SLC35F3: variants seen among roughly 807,000 people sequenced by gnomAD.
The protein encoded by SLC35F3 is solute carrier family 35 member F3, also known as putative thiamine transporter SLC35F3.
Under a neutral mutation model 49.9 loss-of-function variants are expected in SLC35F3, and 25 were observed. That is an observed-to-expected ratio of 0.50 (90% CI 0.37 to 0.70). SLC35F3 has a LOEUF of 0.70. Ranked by LOEUF, SLC35F3 falls within the 30% of genes least tolerant of loss-of-function variation. The pLI, the probability that SLC35F3 is intolerant of heterozygous loss-of-function variation, is 0.00. For synonymous variants in SLC35F3, 275 were observed against 265.4 expected (o/e 1.04, Z -0.35); for missense variants, 525 against 639.8 (o/e 0.82, Z 1.94).
intron 2 of SLC35F3, among the ~76,000 whole-genome samples, chr1:233,914,423 A>T (rs974971301): frequency 6.6e-6 from 1 of 152,132 alleles, no homozygotes; most frequent in African/African-American, 2.4e-5. Flanking sequence ...GTCTTGCTGC[A>T]GCTCCTCCTC....
chr1:234,139,809 A>C (rs2102902361), intron 2 of SLC35F3, among the ~76,000 whole-genome samples: 1 of 151,708 alleles, frequency 6.6e-6, no homozygotes, highest in South Asian at 2.1e-4. Context: ...TTAGCCAGGC[A>C]TGGTGGCACA....
intron 2 of SLC35F3, among the ~76,000 whole-genome samples, chr1:234,099,240 G>A (rs1665177439): frequency 6.6e-6 from 1 of 152,098 alleles, no homozygotes; most frequent in Admixed American, 6.5e-5. Context: ...TTTCTGGGGA[G>A]CAACAAAGTG....
chr1:234,281,864 C>T (rs941756499), intron 3 of SLC35F3, among the ~76,000 whole-genome samples: 2 of 151,912 alleles, frequency 1.3e-5, no homozygotes, highest in Non-Finnish European at 1.5e-5. Context: ...ATTGTGAAGA[C>T]CCAACCAACC....
intron 2 of SLC35F3, among the ~76,000 whole-genome samples, chr1:234,203,462 C>T (rs1261502245): frequency 6.6e-6 from 1 of 152,142 alleles, no homozygotes; most frequent in Non-Finnish European, 1.5e-5. Context: ...CCTGTAATCC[C>T]AGCACTTTGG....
At chr1:233,949,354 T>G (rs938626839) in intron 2 of SLC35F3, among the ~76,000 whole-genome samples, 2 of 152,176 alleles carry the variant, frequency 1.3e-5, no homozygotes. Context: ...GGCCTGATGA[T>G]AGATAAGGCA....
At chr1:234,223,630 A>G (rs1667242270) in intron 2 of SLC35F3, among the ~76,000 whole-genome samples, 1 of 152,170 alleles carries the variant, frequency 6.6e-6, no homozygotes, top group African/African-American at 2.4e-5. Flanking sequence ...TTATTCTCCT[A>G]ATAGGTTATC....
chr1:233,963,286 TTTTC>T (rs991314447), intron 2 of SLC35F3, among the ~76,000 whole-genome samples: 3 of 151,946 alleles, frequency 2.0e-5, no homozygotes, highest in South Asian at 2.1e-4. Flanking sequence ...TAGCTTTCTT[TTTTC>T]TTTCTTTCTT....
intron 2 of SLC35F3, among the ~76,000 whole-genome samples, chr1:233,960,496 T>A (rs913804053): frequency 2.6e-5 from 4 of 152,198 alleles, no homozygotes; most frequent in Admixed American, 1.3e-4. Context: ...TGGGCAGAAA[T>A]CCTTTCTCTG....
chr1:234,286,270 A>G (rs75861976), intron 3 of SLC35F3, among the ~76,000 whole-genome samples: 2,941 of 152,064 alleles, frequency 0.019, 81 homozygotes, highest in African/African-American at 0.061. Context: ...AAATCCATGC[A>G]CAAGACAGCT....
Position 233,955,968 on chromosome 1 carries a change from A to G in SLC35F3, c.283+50210A>G, listed in dbSNP as rs532178767. 2.8e-5 allele frequency among the ~76,000 whole-genome samples: 4 copies of G among 143,266 alleles called. No individual in the cohort carries two copies. The East Asian group carries it at 6.2e-4, about 22-fold the overall frequency. The allele number at this position is 143,266 out of a possible 152,430, so 94.0% of individuals were successfully genotyped here. A position where few individuals can be genotyped will look rare whatever the true frequency, so the allele number is the denominator to read the frequency against. On this transcript the variant is annotated intron_variant, in intron 2 of 7. Coordinates refer to ENST00000366618, the MANE Select transcript of SLC35F3 (RefSeq NM_173508.4). Reference sequence around the variant, plus strand: ...AGTGGCGTGATCTCGGCTCACTGCAACTTCCACCTCCTGGGTTCAGGCTAT... The same window carrying G: ...AGTGGCGTGATCTCGGCTCACTGCAGCTTCCACCTCCTGGGTTCAGGCTAT...
intron 2 of SLC35F3, among the ~76,000 whole-genome samples, chr1:234,140,002 A>AAT: frequency 9.5e-6 from 1 of 105,368 alleles, no homozygotes; most frequent in Non-Finnish European, 2.4e-5. Flanking sequence ...AATAAAATAA[A>AAT]GTAAGTGACT....
chr1:234,142,324 C>A (rs1467610185), intron 2 of SLC35F3, among the ~76,000 whole-genome samples: 1 of 152,176 alleles, frequency 6.6e-6, no homozygotes, highest in Non-Finnish European at 1.5e-5. Context: ...GGACTCTTTG[C>A]ACTAAAGGTT....
At chr1:234,215,952 A>C (rs1365913146) in intron 2 of SLC35F3, among the ~76,000 whole-genome samples, 2 of 152,210 alleles carry the variant, frequency 1.3e-5, no homozygotes, top group Non-Finnish European at 2.9e-5. Flanking sequence ...CTGAACTGCA[A>C]CTACTTACCT....
intron 2 of SLC35F3, among the ~76,000 whole-genome samples, chr1:234,208,344 C>T (rs1667004899): frequency 6.6e-6 from 1 of 152,198 alleles, no homozygotes. Context: ...AGATGTCGTA[C>T]ATGTGAACCA....
chr1:233,970,162 A>G (rs1662969611), intron 2 of SLC35F3, among the ~76,000 whole-genome samples: 2 of 152,192 alleles, frequency 1.3e-5, no homozygotes, highest in African/African-American at 4.8e-5. Flanking sequence ...TTATGGTGAC[A>G]CCTGGGACTG....
chr1:233,977,212 C>A (rs955076019), intron 2 of SLC35F3, among the ~76,000 whole-genome samples: 7 of 152,206 alleles, frequency 4.6e-5, no homozygotes, highest in African/African-American at 1.7e-4. Flanking sequence ...TGTTTTGGAG[C>A]CTGGTGCTTC....
chr1:234,025,155 C>CT (rs942945087), intron 2 of SLC35F3, among the ~76,000 whole-genome samples: 3 of 152,202 alleles, frequency 2.0e-5, no homozygotes, highest in Non-Finnish European at 2.9e-5. Flanking sequence ...TGATTTTGTT[C>CT]TTTTTTTGGC....
chr1:233,947,843 G>T lies in SLC35F3; in HGVS notation c.283+42085G>T, dbSNP rs578007461. On this transcript the variant is annotated intron_variant, in intron 2 of 7. Transcript: ENST00000366618. ...TTCTCAAGGCTGAGAGCCAAAAAAA[G>T]AGAAGTCTTAGTGGGCATTATCAAA... is the stretch of plus-strand genomic sequence containing the variant. 2.7e-5 allele frequency among the ~76,000 whole-genome samples: 4 copies of T among 147,878 alleles called. No homozygotes were observed. In the South Asian group the frequency reaches 8.7e-4, roughly 32 times the overall value.
intron 2 of SLC35F3, among the ~76,000 whole-genome samples, chr1:233,976,765 CA>C (rs572101199): frequency 1.2e-3 from 183 of 152,270 alleles, no homozygotes; most frequent in African/African-American, 4.3e-3. Context: ...TGTCTGCCAC[CA>C]CGCCCAGCTA....
Sources: allele counts gnomAD v4.1 joint callset (sites outside exome capture counted in the v4.1 genomes callset), GRCh38; gene constraint gnomAD v4.1.1; transcripts MANE v1.5; gene names NCBI Gene and HGNC (gene_info 2026-07-23, HGNC 2026-07-21).